The following KRIT1 variants were observed in gnomAD, a reference collection of about 807,000 sequenced individuals.
KRIT1 encodes KRIT1 ankyrin repeat containing.
In KRIT1, 45 loss-of-function variants were observed where a neutral mutation model predicts 95.8. That is an observed-to-expected ratio of 0.47 (90% CI 0.37 to 0.60). The LOEUF (loss-of-function observed/expected upper bound fraction) is 0.60, where lower values mean the gene tolerates loss of function less well. Among genes scored for constraint, KRIT1 ranks in the 20% least tolerant of loss-of-function variants. The pLI, the probability that KRIT1 is intolerant of heterozygous loss-of-function variation, is 0.00. For missense variants in KRIT1, 788 were observed against 877.5 expected (o/e 0.90, Z 1.29); for synonymous variants, 282 against 278.8 (o/e 1.01, Z -0.11).
At chr7:92,204,483 C>T (rs182115967) in intron 17 of KRIT1, among the ~76,000 whole-genome samples, 8 of 151,678 alleles carry the variant, frequency 5.3e-5, no homozygotes, top group Admixed American at 6.6e-5. Flanking sequence ...TAATATGTAA[C>T]GAAATAATTA....
At chr7:92,229,811 G>C (rs748569836) in intron 10 of KRIT1, among the ~76,000 whole-genome samples, 14 of 152,150 alleles carry the variant, frequency 9.2e-5, no homozygotes, top group Non-Finnish European at 1.8e-4. Flanking sequence ...TGAGGATAGG[G>C]ACAGTGTCTT....
chr7:92,236,948 T>G (rs1798551866), intron 6 of KRIT1, among the ~76,000 whole-genome samples: 1 of 152,174 alleles, frequency 6.6e-6, no homozygotes, highest in South Asian at 2.1e-4. Context: ...GGTGGGTGAT[T>G]AATATAGTAT....
rs560186410 is a variant in KRIT1, at chr7:92,223,590, C to A, written c.1255-612G>T. Reference sequence around the variant, plus strand: ...AAATTCTTTTGACAGGATGTTTTAGCGCCTTTAATGTAATGTAAATATCAT... The same window carrying A: ...AAATTCTTTTGACAGGATGTTTTAGAGCCTTTAATGTAATGTAAATATCAT... On this transcript the variant is annotated intron_variant, in intron 12 of 18. Transcript: ENST00000394505. 8.5e-5 allele frequency among the ~76,000 whole-genome samples: 13 copies of A among 152,074 alleles called. No homozygotes were observed. The South Asian group carries it at 2.7e-3, about 32-fold the overall frequency.
At chr7:92,219,795 G>C (rs1206869529) in intron 14 of KRIT1, among the ~76,000 whole-genome samples, 1 of 152,110 alleles carries the variant, frequency 6.6e-6, no homozygotes, top group Non-Finnish European at 1.5e-5. Flanking sequence ...CAGTTATCAG[G>C]TCTTATTTTT....
Position 92,222,959 on chromosome 7 carries a change from T to C in KRIT1, c.1274A>G (p.Tyr425Cys). ...AGAACGATATGACCCATCCATTCTG[T>C]ATATTCGAACTTTTTCATACTACAA... ...INKPYEKVRI[Y>C]RMDGSYRSVE... Residue 425 changes from tyrosine (Y) to cysteine (C), a missense_variant, in exon 13 of 19, where the codon TAC becomes TGC. Physicochemically the swap from Tyr to Cys is radical, Grantham distance 194. Coordinates refer to ENST00000394505, the MANE Select transcript of KRIT1 (RefSeq NM_194454.3). The C allele has an allele frequency of 3.1e-6, 5 of 1,610,214 alleles. No homozygotes were observed. Among genetic ancestry groups the C allele is most frequent in the Non-Finnish European group, 4.2e-6 (5 of 1,176,892 alleles).
intron 17 of KRIT1, among the ~76,000 whole-genome samples, chr7:92,212,945 A>G (rs1793183733): frequency 1.3e-5 from 2 of 152,206 alleles, no homozygotes; most frequent in South Asian, 4.1e-4. Context: ...CATTAAATGT[A>G]TCTTGCAGAT....
At chr7:92,232,062 G>T (rs1797419478) in intron 10 of KRIT1, among the ~76,000 whole-genome samples, 1 of 152,156 alleles carries the variant, frequency 6.6e-6, no homozygotes, top group East Asian at 1.9e-4. Flanking sequence ...CTCCCGAGCA[G>T]CTGGGATTAC....
At chr7:92,226,477 G>A (rs762148394) in intron 11 of KRIT1, 49 bp downstream of exon 11, 1 of 1,359,502 alleles carries the variant, frequency 7.4e-7, no homozygotes, top group East Asian at 2.3e-5. Flanking sequence ...GTCATTACTT[G>A]TTATTCACTG....
chr7:92,200,728 C>A lies in KRIT1; in HGVS notation c.*8G>T. On this transcript the variant is annotated 3_prime_UTR_variant, in exon 19 of 19. Transcript: ENST00000394505. The stretch of plus-strand genomic sequence containing the variant: ...AATGTGGTGGCTTGAGTAACAGTTA[C>A]TTCTCTTTCATGAATTTCTTTCAGT... 2 of 1,567,050 alleles carry A rather than the reference C, an allele frequency of 1.3e-6. No individual in the cohort carries two copies. Among genetic ancestry groups the A allele is most frequent in the Non-Finnish European group, 1.8e-6 (2 of 1,137,158 alleles).
intron 12 of KRIT1, 38 bp downstream of exon 12, chr7:92,225,682 A>AT: frequency 9.2e-7 from 1 of 1,087,366 alleles, no homozygotes; most frequent in Non-Finnish European, 1.4e-6. Context: ...ATTAATTTAA[A>AT]TACTATGCCT....
chr7:92,223,961 A>G (rs1795686382), intron 12 of KRIT1, among the ~76,000 whole-genome samples: 1 of 152,234 alleles, frequency 6.6e-6, no homozygotes, highest in Non-Finnish European at 1.5e-5. Context: ...AGGGATAAAA[A>G]TGAGTTAACA....
In KRIT1 at chr7:92,234,437, T is replaced by C. The variant is rs377726302; in HGVS notation, c.989+12A>G. 1.3e-6 allele frequency: 2 copies of C among 1,575,458 alleles called. No individual in the cohort carries two copies. Among genetic ancestry groups the C allele is most frequent in the African/African-American group, 2.7e-5 (2 of 74,170 alleles). ...TTCTTTCTAAAAAGAAAAGAATAAA[T>C]ATTCCATTTACCAGCATGCATAATG... On this transcript the variant is annotated intron_variant, in intron 10 of 18. Coordinates refer to ENST00000394505, the MANE Select transcript of KRIT1 (RefSeq NM_194454.3).
At chr7:92,228,820 C>T (rs967167327) in intron 10 of KRIT1, among the ~76,000 whole-genome samples, 2 of 152,044 alleles carry the variant, frequency 1.3e-5, no homozygotes, top group East Asian at 3.9e-4. Flanking sequence ...TCAGCTCCCA[C>T]GTATAAGTGG....
At position 92,201,773 on chromosome 7, in the gene KRIT1, G is replaced by A. The variant is rs1415044427; in HGVS notation, c.2026-350C>T. Reference sequence around the variant, plus strand: ...CATTGTTCAACTCCCACTTATGAGTGAGAACATGCGGTGTTTGGTTTTCTG... The same window carrying A: ...CATTGTTCAACTCCCACTTATGAGTAAGAACATGCGGTGTTTGGTTTTCTG... On this transcript the variant is annotated intron_variant, in intron 17 of 18. Coordinates refer to ENST00000394505, the MANE Select transcript of KRIT1 (RefSeq NM_194454.3). 2.0e-5 allele frequency among the ~76,000 whole-genome samples: 3 copies of A among 151,920 alleles called. No individual in the cohort carries two copies. The South Asian group carries it at 6.2e-4, about 32-fold the overall frequency.
intron 17 of KRIT1, chr7:92,205,636 T>C (rs1169859293): frequency 6.6e-6 from 1 of 151,836 alleles, no homozygotes; most frequent in Non-Finnish European, 1.5e-5. Flanking sequence ...CTTGAGAGGC[T>C]AAAGCGGGAG....
rs1389112004 is a variant in KRIT1, at chr7:92,234,357, T to C, written c.989+92A>G. Reference sequence around the variant, plus strand: ...AAGGCAAACAGGTAGAGAAAAAGTATTTGGAATGAGAACAGTCTTGAAAAG... The same window carrying C: ...AAGGCAAACAGGTAGAGAAAAAGTACTTGGAATGAGAACAGTCTTGAAAAG... On this transcript the variant is annotated intron_variant, in intron 10 of 18. Transcript: ENST00000394505. The C allele has an allele frequency of 5.9e-6, 6 of 1,020,390 alleles. No homozygotes were observed. The African/African-American group carries it at 8.1e-5, about 14-fold the overall frequency. The allele number at this position is 1,020,390 out of a possible 1,614,324, so 63.2% of individuals were successfully genotyped here. A position where few individuals can be genotyped will look rare whatever the true frequency, so the allele number is the denominator to read the frequency against.
intron 5 of KRIT1, among the ~76,000 whole-genome samples, chr7:92,239,514 A>C (rs1161805968): frequency 1.3e-5 from 2 of 152,196 alleles, no homozygotes; most frequent in African/African-American, 4.8e-5. Context: ...GAGGTAGATA[A>C]GACTGACCAA....
intron 17 of KRIT1, among the ~76,000 whole-genome samples, chr7:92,211,971 G>T (rs528012937): frequency 1.3e-5 from 2 of 152,064 alleles, no homozygotes; most frequent in Non-Finnish European, 2.9e-5. Flanking sequence ...CAGGCATGGT[G>T]TTACGTGCCT....
chr7:92,223,770 G>C (rs1338862040), intron 12 of KRIT1, among the ~76,000 whole-genome samples: 1 of 152,122 alleles, frequency 6.6e-6, no homozygotes, highest in Non-Finnish European at 1.5e-5. Flanking sequence ...AGTTATCAAT[G>C]AACTTTGAGC....
Sources: gnomAD v4.1 joint callset for allele counts (sites outside exome capture counted in the v4.1 genomes callset) on GRCh38, gnomAD v4.1.1 for gene constraint, MANE v1.5 for transcripts, NCBI Gene and HGNC (gene_info 2026-07-23, HGNC 2026-07-21) for gene names.